The following KIF26B variants were observed in gnomAD, a reference collection of about 807,000 sequenced individuals.
The protein encoded by KIF26B is kinesin family member 26B, also known as kinesin-like protein KIF26B.
KIF26B carries 63 observed loss-of-function variants against 151.2 expected under a neutral mutation model. The ratio of observed to expected loss-of-function variants is 0.42; its 90% CI spans 0.34 to 0.51. KIF26B has a LOEUF of 0.51. Among genes scored for constraint, KIF26B ranks in the 20% least tolerant of loss-of-function variants. KIF26B has a pLI of 0.07. For missense variants in KIF26B, 2,813 were observed against 2,913.6 expected (o/e 0.97, Z 0.79); for synonymous variants, 1,357 against 1,262.1 (o/e 1.08, Z -1.59).
intron 2 of KIF26B, among the ~76,000 whole-genome samples, chr1:245,215,079 T>G (rs969342922): frequency 2.0e-5 from 3 of 152,096 alleles, no homozygotes; most frequent in African/African-American, 7.2e-5. Context: ...CTTAAGCTTC[T>G]CTTCCAAAGT....
intron 3 of KIF26B, among the ~76,000 whole-genome samples, chr1:245,376,677 T>C (rs1673281198): frequency 6.6e-6 from 1 of 152,150 alleles, no homozygotes; most frequent in Non-Finnish European, 1.5e-5. Context: ...TATGTGGCTT[T>C]ATTTTTTATT....
At chr1:245,682,209 C>T (rs1312214743) in intron 10 of KIF26B, among the ~76,000 whole-genome samples, 1 of 152,108 alleles carries the variant, frequency 6.6e-6, no homozygotes, top group Admixed American at 6.5e-5. Flanking sequence ...CGTGCCGTTG[C>T]ACTCCAGCCT....
At chr1:245,300,584 G>A (rs987895035) in intron 2 of KIF26B, among the ~76,000 whole-genome samples, 7 of 149,514 alleles carry the variant, frequency 4.7e-5, no homozygotes, top group Non-Finnish European at 7.4e-5. Flanking sequence ...GCTATAGTAC[G>A]GTGGCACGAT....
intron 2 of KIF26B, among the ~76,000 whole-genome samples, chr1:245,164,836 G>A (rs1668589130): frequency 6.6e-6 from 1 of 152,216 alleles, no homozygotes; most frequent in Non-Finnish European, 1.5e-5. Context: ...ACTTTGGGAG[G>A]CCAAGACGGG....
At chr1:245,544,750 G>C (rs909394746) in intron 5 of KIF26B, among the ~76,000 whole-genome samples, 5 of 152,156 alleles carry the variant, frequency 3.3e-5, no homozygotes, top group African/African-American at 1.2e-4. Flanking sequence ...AATTGCCTTT[G>C]TCCAGTGGGG....
intron 2 of KIF26B, among the ~76,000 whole-genome samples, chr1:245,184,901 C>T (rs930577645): frequency 4.6e-5 from 7 of 152,164 alleles, no homozygotes; most frequent in African/African-American, 1.7e-4. Flanking sequence ...AGATAGAGAG[C>T]GTCTTGCTTG....
intron 2 of KIF26B, among the ~76,000 whole-genome samples, chr1:245,221,034 C>T (rs1669756453): frequency 6.6e-6 from 1 of 152,168 alleles, no homozygotes; most frequent in South Asian, 2.1e-4. Context: ...TAATGACTGC[C>T]TTCCCTCAGC....
chr1:245,304,880 A>C (rs1236674800), intron 2 of KIF26B, among the ~76,000 whole-genome samples: 2 of 152,170 alleles, frequency 1.3e-5, no homozygotes, highest in Non-Finnish European at 2.9e-5. Flanking sequence ...CTTTAAAAAA[A>C]AAAATGATTA....
At chr1:245,330,788 A>C (rs1572007712) in intron 2 of KIF26B, among the ~76,000 whole-genome samples, 1 of 23,700 alleles carries the variant, frequency 4.2e-5, no homozygotes, top group Non-Finnish European at 7.7e-5. Context: ...GGGGGAGGGA[A>C]TAGCGGGGTA....
intron 5 of KIF26B, among the ~76,000 whole-genome samples, chr1:245,578,547 C>A (rs925802306): frequency 6.6e-6 from 1 of 152,200 alleles, no homozygotes; most frequent in Non-Finnish European, 1.5e-5. Flanking sequence ...GTAATGAATG[C>A]CCCCAGGGTA....
chr1:245,253,134 C>T (rs999939977), intron 2 of KIF26B, among the ~76,000 whole-genome samples: 4 of 151,660 alleles, frequency 2.6e-5, no homozygotes, highest in East Asian at 3.9e-4. Flanking sequence ...CTCAGCCTCC[C>T]GAGTAGCTGG....
intron 2 of KIF26B, among the ~76,000 whole-genome samples, chr1:245,176,208 A>G (rs1271590583): frequency 6.6e-6 from 1 of 152,102 alleles, no homozygotes; most frequent in African/African-American, 2.4e-5. Flanking sequence ...CATGTTGGTC[A>G]GGCTGGTCTT....
At chr1:245,163,186 G>T (rs777301688) in intron 2 of KIF26B, among the ~76,000 whole-genome samples, 14 of 152,286 alleles carry the variant, frequency 9.2e-5, no homozygotes, top group Admixed American at 2.6e-4. Flanking sequence ...CTGTTGTCCA[G>T]GCTGGGTTAC....
chr1:245,350,091 C>A (rs966721759), intron 2 of KIF26B, among the ~76,000 whole-genome samples: 8 of 151,928 alleles, frequency 5.3e-5, no homozygotes, highest in African/African-American at 1.9e-4. Context: ...ATTTCCCCTA[C>A]GGAAATTCAA....
At chr1:245,568,750 A>C (rs1339317872) in intron 5 of KIF26B, among the ~76,000 whole-genome samples, 2 of 151,876 alleles carry the variant, frequency 1.3e-5, no homozygotes. Flanking sequence ...GCATGTTCTG[A>C]CTCTTCATTT....
At chr1:245,326,029 G>A (rs1371599482) in intron 2 of KIF26B, among the ~76,000 whole-genome samples, 1 of 152,154 alleles carries the variant, frequency 6.6e-6, no homozygotes, top group Non-Finnish European at 1.5e-5. Flanking sequence ...GCAGGGCAGT[G>A]GGCAGGGACT....
intron 2 of KIF26B, among the ~76,000 whole-genome samples, chr1:245,309,894 CTATA>C (rs947080997): frequency 6.9e-6 from 1 of 144,404 alleles, no homozygotes; most frequent in Non-Finnish European, 1.5e-5. Flanking sequence ...ATATATCTCA[CTATA>C]TATATCTCTT....
chr1:245,364,996 T>C (rs1046851497), intron 2 of KIF26B, among the ~76,000 whole-genome samples: 5 of 152,246 alleles, frequency 3.3e-5, no homozygotes, highest in African/African-American at 7.2e-5. Flanking sequence ...TAGGAATCTA[T>C]TGATGGATAT....
rs768369095 is a variant in KIF26B at position 245,597,056 on chromosome 1, C to G, written c.1351-5521C>G. On this transcript the variant is annotated intron_variant, in intron 5 of 14. Coordinates refer to ENST00000407071, the MANE Select transcript of KIF26B (RefSeq NM_018012.4). This position sits in a 1 kb window ranked among gnomAD's most constrained non-coding sequence, Gnocchi z 4.6. ...TCAGATGGGTCTCCTGAATACAGCA[C>G]CCTGATGGGTCTTGACTCTTTATCC... Among the ~76,000 whole-genome samples, 15 of 152,126 alleles carry G rather than the reference C, an allele frequency of 9.9e-5. No individual in the cohort carries two copies. Among genetic ancestry groups the G allele is most frequent in the Non-Finnish European group, 1.8e-4 (12 of 68,028 alleles).
Sources: gnomAD v4.1 joint callset for allele counts (sites outside exome capture counted in the v4.1 genomes callset) on GRCh38, gnomAD v4.1.1 for gene constraint, Gnocchi (gnomAD v3.1) non-coding constraint, MANE v1.5 for transcripts, NCBI Gene and HGNC (gene_info 2026-07-23, HGNC 2026-07-21) for gene names.